PROS1: variants seen among roughly 807,000 people sequenced by gnomAD.
PROS1 encodes the protein protein S.
In PROS1, 29 loss-of-function variants were observed where a neutral mutation model predicts 75.9. The ratio of observed to expected loss-of-function variants is 0.38; its 90% CI spans 0.28 to 0.52. PROS1 has a LOEUF of 0.52. Ranked by LOEUF, PROS1 falls within the 20% of genes least tolerant of loss-of-function variation. PROS1 has a pLI of 0.83. For synonymous variants in PROS1, 245 were observed against 280.6 expected (o/e 0.87, Z 1.27); for missense variants, 680 against 810.3 (o/e 0.84, Z 1.95).
Position 93,949,490 on chromosome 3 carries a change from T to A in PROS1, c.77-22083A>T, listed in dbSNP as rs542607212. On this transcript the variant is annotated intron_variant, in intron 1 of 14. Coordinates refer to ENST00000394236, the MANE Select transcript of PROS1 (RefSeq NM_000313.4). ...CTCATAAATAGCAAAAATGTCTGCA[T>A]CCAAAAACACAATCTGTACTAGTAA... Among the ~76,000 whole-genome samples the A allele has an allele frequency of 4.6e-5, 7 of 152,060 alleles. No homozygotes were observed. In the South Asian group the frequency reaches 1.0e-3, roughly 23 times the overall value.
At chr3:93,965,368 C>A (rs979660805) in intron 1 of PROS1, among the ~76,000 whole-genome samples, 1 of 152,180 alleles carries the variant, frequency 6.6e-6, no homozygotes, top group Non-Finnish European at 1.5e-5. Context: ...TCCAGCGAGG[C>A]GCCCATTGCC....
intron 1 of PROS1, among the ~76,000 whole-genome samples, chr3:93,941,886 T>C (rs1235227557): frequency 8.5e-5 from 13 of 152,190 alleles, no homozygotes; most frequent in Middle Eastern, 3.2e-3. Flanking sequence ...TCACACCTGG[T>C]GCGTATGCTT....
rs1553808012 is a variant in PROS1, at chr3:93,874,197, G to T, written c.*48C>A. The T allele has an allele frequency of 1.3e-6, 2 of 1,599,446 alleles. No individual in the cohort carries two copies. The highest frequency in any genetic ancestry group is 4.5e-5 in the East Asian group (2 of 44,696). On this transcript the variant is annotated 3_prime_UTR_variant, in exon 15 of 15. Transcript: ENST00000394236. Reference sequence around the variant, plus strand: ...CCCTTCAGCTGTTATTGAAACATAAGTATAATTACACACAAGGAAAAGGTA... The same window carrying T: ...CCCTTCAGCTGTTATTGAAACATAATTATAATTACACACAAGGAAAAGGTA...
Position 93,874,050 on chromosome 3 carries a change from G to T in PROS1, c.*195C>A, listed in dbSNP as rs555142434. ...TTTTCACTATTCTTAGATAGCAAGA[G>T]AAGTAAGAATTTCTTTACTGTGATT... On this transcript the variant is annotated 3_prime_UTR_variant, in exon 15 of 15. Coordinates refer to ENST00000394236, the MANE Select transcript of PROS1 (RefSeq NM_000313.4). 14 of 608,154 alleles carry T rather than the reference G, an allele frequency of 2.3e-5. 2 individuals are homozygous for T. In the African/African-American group the frequency reaches 2.4e-4, roughly 10 times the overall value. The allele number at this position is 608,154 out of a possible 1,614,324, so 37.7% of individuals were successfully genotyped here.
Position 93,879,328 on chromosome 3 carries a change from T to C in PROS1, c.1493-14A>G. 3 of 1,613,506 alleles carry C rather than the reference T, an allele frequency of 1.9e-6. No homozygotes were observed. Among genetic ancestry groups the C allele is most frequent in the Non-Finnish European group, 2.5e-6 (3 of 1,179,462 alleles). ...TGGATACATTATCTATTTAAAATAA[T>C]GAAACAGAAGCATGATCAATGCACT... On this transcript the variant is annotated splice_polypyrimidine_tract_variant and intron_variant, in intron 12 of 14. Transcript: ENST00000394236.
intron 1 of PROS1, among the ~76,000 whole-genome samples, chr3:93,969,196 C>T (rs2107272017): frequency 6.9e-6 from 1 of 145,784 alleles, no homozygotes; most frequent in African/African-American, 2.6e-5. Context: ...TAAAGCATAG[C>T]ACAGAAATAC....
At chr3:93,907,686 A>G (rs1467621279) in intron 4 of PROS1, among the ~76,000 whole-genome samples, 2 of 152,216 alleles carry the variant, frequency 1.3e-5, no homozygotes, top group African/African-American at 2.4e-5. Context: ...CAAAGGCACC[A>G]CCAGCCACAG....
chr3:93,887,507 A>C (rs2107142110), intron 10 of PROS1, among the ~76,000 whole-genome samples: 1 of 152,290 alleles, frequency 6.6e-6, no homozygotes, highest in South Asian at 2.1e-4. Context: ...TCACTCACTA[A>C]CCAATAATAT....
intron 1 of PROS1, among the ~76,000 whole-genome samples, chr3:93,956,798 C>T (rs554225873): frequency 2.0e-5 from 3 of 152,252 alleles, no homozygotes; most frequent in Non-Finnish European, 4.4e-5. Context: ...AAAATCTTTA[C>T]TATGCTTGCA....
intron 1 of PROS1, among the ~76,000 whole-genome samples, chr3:93,941,434 G>T (rs1006873090): frequency 2.0e-5 from 3 of 152,062 alleles, no homozygotes; most frequent in African/African-American, 7.2e-5. Context: ...CAAAACAACA[G>T]CTCCTTTCCT....
chr3:93,910,576 G>T, intron 4 of PROS1, 43 bp downstream of exon 4: 1 of 1,497,778 alleles, frequency 6.7e-7, no homozygotes, highest in East Asian at 2.3e-5. Flanking sequence ...TTTACCTACA[G>T]AGTTTTTGTT....
chr3:93,939,700 G>A (rs1450921021), intron 1 of PROS1, among the ~76,000 whole-genome samples: 1 of 151,922 alleles, frequency 6.6e-6, no homozygotes, highest in African/African-American at 2.4e-5. Context: ...TTCATCAAAT[G>A]TAAAAATCCA....
chr3:93,898,487 C>T lies in PROS1; in HGVS notation c.810G>A (p.Lys270=). The change falls in exon 8 of 15, where the codon AAG becomes AAA. Residue 270 remains lysine, a synonymous_variant. Transcript: ENST00000394236. The part of the protein sequence containing the change: ...PGGYTCYCDG[K]KGFKLAQDQK... ...GATCTTGGGCAAGTTTGAATCCTTT[C>T]TTCCCATCACAATAGCAAGTGTAAC... 6.2e-7 allele frequency: 1 copy of T among 1,612,782 alleles called. No homozygotes were observed. Among genetic ancestry groups the T allele is most frequent in the Non-Finnish European group, 8.5e-7 (1 of 1,179,034 alleles).
chr3:93,875,232 C>T (rs980636939), intron 14 of PROS1, among the ~76,000 whole-genome samples: 5 of 151,966 alleles, frequency 3.3e-5, no homozygotes, highest in African/African-American at 9.7e-5. Context: ...CAAATTCATT[C>T]GATTTTGAGG....
intron 1 of PROS1, among the ~76,000 whole-genome samples, chr3:93,939,559 T>G (rs560058507): frequency 3.5e-4 from 54 of 152,266 alleles, no homozygotes; most frequent in African/African-American, 1.3e-3. Flanking sequence ...AGTTTCATTC[T>G]GAGACTAGCC....
intron 1 of PROS1, among the ~76,000 whole-genome samples, chr3:93,950,737 C>A (rs2107242305): frequency 6.6e-6 from 1 of 152,266 alleles, no homozygotes. Context: ...CGGGAGAAAC[C>A]AGAGCAGAAA....
intron 3 of PROS1, among the ~76,000 whole-genome samples, chr3:93,916,224 G>C (rs1044277183): frequency 6.6e-6 from 1 of 152,102 alleles, no homozygotes; most frequent in African/African-American, 2.4e-5. Context: ...TGGTTCATTT[G>C]TCCTTCTTCT....
intron 4 of PROS1, 152 bp from the exon 5 acceptor site, chr3:93,906,295 G>A (rs1416955401): frequency 1.6e-5 from 15 of 916,186 alleles, no homozygotes. Context: ...AAATTAAAAA[G>A]TGAGCCTATT....
chr3:93,913,793 T>C (rs1576191370), intron 3 of PROS1, among the ~76,000 whole-genome samples: 1 of 152,274 alleles, frequency 6.6e-6, no homozygotes, highest in South Asian at 2.1e-4. Context: ...CAAAGTCTCA[T>C]CTAAATCAGA....
Sources: allele counts gnomAD v4.1 joint callset (sites outside exome capture counted in the v4.1 genomes callset), GRCh38; gene constraint gnomAD v4.1.1; transcripts MANE v1.5; gene names NCBI Gene and HGNC (gene_info 2026-07-23, HGNC 2026-07-21).